ROBO2: variants seen among roughly 807,000 people sequenced by gnomAD.
ROBO2 encodes roundabout homolog 2.
ROBO2 carries 53 observed loss-of-function variants against 160.8 expected under a neutral mutation model. That is an observed-to-expected ratio of 0.33 (90% CI 0.26 to 0.41). The LOEUF is 0.41. Ranked by LOEUF, ROBO2 falls within the 10% of genes least tolerant of loss-of-function variation. The probability of loss-of-function intolerance (pLI) is 1.00; values close to 1 mark genes in which losing one functional copy is unlikely to be tolerated. For missense variants in ROBO2, 1,577 were observed against 1,722.4 expected (o/e 0.92, Z 1.49); for synonymous variants, 664 against 611.7 (o/e 1.09, Z -1.26).
intron 2 of ROBO2, among the ~76,000 whole-genome samples, chr3:76,806,927 G>C (rs1051970234): frequency 2.6e-5 from 4 of 151,960 alleles, no homozygotes; most frequent in Non-Finnish European, 5.9e-5. Context: ...ACTTGGAATT[G>C]AATCTTGACT....
intron 2 of ROBO2, among the ~76,000 whole-genome samples, chr3:77,309,005 A>T (rs1258227044): frequency 6.6e-6 from 1 of 151,498 alleles, no homozygotes; most frequent in African/African-American, 2.4e-5. Context: ...TCTAATTCTG[A>T]CTCTACTAAT....
At chr3:76,283,901 T>C (rs759244524) in intron 2 of ROBO2, among the ~76,000 whole-genome samples, 2 of 151,980 alleles carry the variant, frequency 1.3e-5, no homozygotes, top group Non-Finnish European at 2.9e-5. Flanking sequence ...TATGAAGAGG[T>C]TCCTTTCTTG....
chr3:77,297,052 T>G (rs1474397392), intron 2 of ROBO2, among the ~76,000 whole-genome samples: 1 of 151,842 alleles, frequency 6.6e-6, no homozygotes, highest in Non-Finnish European at 1.5e-5. Context: ...TTTTTTTTAG[T>G]CTGGAGTTAT....
intron 2 of ROBO2, among the ~76,000 whole-genome samples, chr3:76,360,227 C>T (rs2075425920): frequency 1.3e-5 from 2 of 152,002 alleles, no homozygotes. Context: ...GTTTAGATCT[C>T]TTTTCGGTTT....
chr3:76,787,138 C>T (rs1231239787), intron 2 of ROBO2, among the ~76,000 whole-genome samples: 1 of 151,194 alleles, frequency 6.6e-6, no homozygotes, highest in African/African-American at 2.4e-5. Context: ...CAGTCACCTC[C>T]CACCATGTCC....
chr3:76,992,509 A>G (rs1364469232), intron 2 of ROBO2, among the ~76,000 whole-genome samples: 2 of 151,898 alleles, frequency 1.3e-5, no homozygotes, highest in African/African-American at 4.8e-5. Flanking sequence ...GCAGTGGGTT[A>G]TTGAAGATCG....
At chr3:76,076,138 T>C (rs974967383) in intron 2 of ROBO2, among the ~76,000 whole-genome samples, 2 of 152,236 alleles carry the variant, frequency 1.3e-5, no homozygotes, top group Non-Finnish European at 2.9e-5. Flanking sequence ...TTTTCCAATG[T>C]TGGTTATAGG....
intron 2 of ROBO2, among the ~76,000 whole-genome samples, chr3:77,404,847 A>G (rs1394613096): frequency 6.6e-6 from 1 of 152,194 alleles, no homozygotes; most frequent in Non-Finnish European, 1.5e-5. Context: ...TAGCATGACA[A>G]AAGAGACATT....
intron 2 of ROBO2, among the ~76,000 whole-genome samples, chr3:76,526,806 A>C (rs969905669): frequency 1.3e-5 from 2 of 152,108 alleles, no homozygotes; most frequent in Non-Finnish European, 2.9e-5. Flanking sequence ...ATGACACTGA[A>C]TTGAAAGATG....
chr3:76,950,926 C>T (rs1001972978), intron 2 of ROBO2, among the ~76,000 whole-genome samples: 1 of 152,114 alleles, frequency 6.6e-6, no homozygotes, highest in Non-Finnish European at 1.5e-5. Context: ...AATGGTTTCG[C>T]CATGTTTCCC....
intron 2 of ROBO2, among the ~76,000 whole-genome samples, chr3:77,197,743 T>C (rs1361524702): frequency 6.6e-6 from 1 of 152,224 alleles, no homozygotes; most frequent in Non-Finnish European, 1.5e-5. Flanking sequence ...ATTTTATGGC[T>C]CAAAAGGGAT....
chr3:76,250,469 T>C (rs2107550546), intron 2 of ROBO2, among the ~76,000 whole-genome samples: 1 of 152,134 alleles, frequency 6.6e-6, no homozygotes, highest in East Asian at 1.9e-4. Context: ...TTTAGGGAAG[T>C]GTTGTCCGTG....
At chr3:77,278,009 A>G (rs1283996472) in intron 2 of ROBO2, among the ~76,000 whole-genome samples, 2 of 152,138 alleles carry the variant, frequency 1.3e-5, no homozygotes, top group Non-Finnish European at 2.9e-5. Context: ...TCTGACTGGC[A>G]TGAGATAGTA....
intron 2 of ROBO2, among the ~76,000 whole-genome samples, chr3:76,913,359 A>G (rs1372567704): frequency 6.6e-6 from 1 of 152,340 alleles, no homozygotes; most frequent in Admixed American, 6.5e-5. Context: ...TTCTAAGGGC[A>G]TAGCATTCAA....
At chr3:76,437,016 T>C (rs1487784633) in intron 2 of ROBO2, among the ~76,000 whole-genome samples, 7 of 152,220 alleles carry the variant, frequency 4.6e-5, no homozygotes, top group Admixed American at 3.3e-4. Context: ...ATTTAACAGC[T>C]GTTTTACTTA....
intron 2 of ROBO2, among the ~76,000 whole-genome samples, chr3:77,014,776 A>AAG (rs10640175): frequency 0.07 from 10,492 of 150,084 alleles, 1,079 homozygotes; most frequent in African/African-American, 0.23. Context: ...GGCCATTTGC[A>AAG]AGAGAGAGAG....
chr3:77,101,397 A>G (rs2071908213), intron 2 of ROBO2, among the ~76,000 whole-genome samples: 1 of 152,240 alleles, frequency 6.6e-6, no homozygotes, highest in African/African-American at 2.4e-5. Context: ...GGAACAGAAC[A>G]GTATGGTAAA....
intron 2 of ROBO2, among the ~76,000 whole-genome samples, chr3:76,815,442 A>G (rs2065579488): frequency 6.6e-6 from 1 of 150,576 alleles, no homozygotes; most frequent in African/African-American, 2.5e-5. Context: ...GTCCAGAAAA[A>G]TTGAAAAAAA....
intron 2 of ROBO2, among the ~76,000 whole-genome samples, chr3:76,913,034 T>C (rs184278452): frequency 7.2e-5 from 11 of 152,142 alleles, no homozygotes; most frequent in Middle Eastern, 3.2e-3. Flanking sequence ...GGAAAGAAAT[T>C]TGATAGCAAA....
Sources: gnomAD v4.1 joint callset for allele counts (sites outside exome capture counted in the v4.1 genomes callset) on GRCh38, gnomAD v4.1.1 for gene constraint, MANE v1.5 for transcripts, NCBI Gene and HGNC (gene_info 2026-07-23, HGNC 2026-07-21) for gene names.